SGCZ: variants seen among roughly 807,000 people sequenced by gnomAD.
The protein encoded by SGCZ is sarcoglycan zeta.
Under a neutral mutation model 41.3 loss-of-function variants are expected in SGCZ, and 40 were observed. The ratio of observed to expected loss-of-function variants is 0.97; its 90% CI spans 0.75 to 1.26. The LOEUF is 1.26. SGCZ is among the 50% of genes most tolerant of loss of function. The probability of loss-of-function intolerance (pLI) is 0.00; values close to 1 mark genes in which losing one functional copy is unlikely to be tolerated. For synonymous variants in SGCZ, 206 were observed against 137.5 expected (o/e 1.50, Z -3.49); for missense variants, 552 against 369.8 (o/e 1.49, Z -4.04).
chr8:14,208,828 T>G (rs1805702873), intron 4 of SGCZ, among the ~76,000 whole-genome samples: 1 of 152,222 alleles, frequency 6.6e-6, no homozygotes, highest in South Asian at 2.1e-4. Context: ...CATTATTACT[T>G]ATGCTACAGG....
chr8:14,141,153 C>A (rs1262378958), intron 5 of SGCZ, among the ~76,000 whole-genome samples: 1 of 152,154 alleles, frequency 6.6e-6, no homozygotes, highest in Non-Finnish European at 1.5e-5. Flanking sequence ...CTTCGTTACA[C>A]CTTGTACAAA....
intron 2 of SGCZ, among the ~76,000 whole-genome samples, chr8:14,507,172 T>C (rs961671187): frequency 2.0e-5 from 3 of 152,120 alleles, no homozygotes; most frequent in Non-Finnish European, 4.4e-5. Context: ...ACCCACCATA[T>C]CCAATCTGCA....
intron 2 of SGCZ, among the ~76,000 whole-genome samples, chr8:14,384,596 G>A (rs1188622567): frequency 6.6e-6 from 1 of 152,126 alleles, no homozygotes; most frequent in African/African-American, 2.4e-5. Context: ...GTCTCACTCT[G>A]TTGCCCAGGC....
At chr8:14,299,193 T>C (rs1207238010) in intron 3 of SGCZ, among the ~76,000 whole-genome samples, 1 of 152,006 alleles carries the variant, frequency 6.6e-6, no homozygotes, top group Non-Finnish European at 1.5e-5. Flanking sequence ...GATAGGCCTC[T>C]ACATAAAAGA....
rs1799273806 is a variant in SGCZ, at chr8:14,744,008, G to A, written c.40-189082C>T. Among the ~76,000 whole-genome samples, 3 of 152,130 alleles carry A rather than the reference G, an allele frequency of 2.0e-5. No homozygotes were observed. In the South Asian group the frequency reaches 6.2e-4, roughly 32 times the overall value. ...TTGCCTCTTGAATTCTCTCCTACAG[G>A]TTTTGCATGCCTGAAGAAGAGGCTG... On this transcript the variant is annotated intron_variant, in intron 1 of 7. Coordinates refer to ENST00000382080, the MANE Select transcript of SGCZ (RefSeq NM_139167.4).
chr8:14,956,203 C>A (rs1398632982), intron 1 of SGCZ, among the ~76,000 whole-genome samples: 1 of 151,902 alleles, frequency 6.6e-6, no homozygotes, highest in Non-Finnish European at 1.5e-5. Flanking sequence ...CCACACCTAG[C>A]TAATTTTTGT....
intron 4 of SGCZ, among the ~76,000 whole-genome samples, chr8:14,192,541 TATG>T (rs1252453255): frequency 1.4e-4 from 21 of 152,040 alleles, no homozygotes; most frequent in African/African-American, 5.1e-4. Context: ...ATACATTGCA[TATG>T]ATATTTGAGT....
At chr8:14,426,659 G>A (rs1799791125) in intron 2 of SGCZ, among the ~76,000 whole-genome samples, 1 of 152,102 alleles carries the variant, frequency 6.6e-6, no homozygotes, top group African/African-American at 2.4e-5. Flanking sequence ...GCCAGAAAAT[G>A]AATAATTAAT....
At chr8:14,267,383 A>G (rs879091170) in intron 3 of SGCZ, among the ~76,000 whole-genome samples, 1 of 152,090 alleles carries the variant, frequency 6.6e-6, no homozygotes, top group Non-Finnish European at 1.5e-5. Flanking sequence ...TATTTATCTA[A>G]TCAGCCTACT....
intron 1 of SGCZ, among the ~76,000 whole-genome samples, chr8:14,599,496 C>G (rs1421488297): frequency 1.3e-5 from 2 of 152,078 alleles, no homozygotes; most frequent in Non-Finnish European, 2.9e-5. Flanking sequence ...CTTTTAATCT[C>G]TTTATCTTTC....
intron 2 of SGCZ, among the ~76,000 whole-genome samples, chr8:14,408,596 C>G (rs1331509244): frequency 1.3e-5 from 2 of 152,068 alleles, no homozygotes; most frequent in East Asian, 3.9e-4. Context: ...CTATATAAAT[C>G]AGTTTATATC....
At chr8:15,063,345 T>C (rs1805008738) in intron 1 of SGCZ, among the ~76,000 whole-genome samples, 1 of 152,138 alleles carries the variant, frequency 6.6e-6, no homozygotes, top group Non-Finnish European at 1.5e-5. Context: ...TGTTCTTCTA[T>C]TGGGATGATT....
At chr8:14,554,012 G>A (rs927818301) in intron 2 of SGCZ, among the ~76,000 whole-genome samples, 33 of 152,152 alleles carry the variant, frequency 2.2e-4, no homozygotes, top group African/African-American at 7.2e-4. Flanking sequence ...GAGCTAAACT[G>A]GACTTTGCTG....
At chr8:14,764,504 G>A (rs73199287) in intron 1 of SGCZ, among the ~76,000 whole-genome samples, 2 of 151,720 alleles carry the variant, frequency 1.3e-5, no homozygotes, top group Admixed American at 1.3e-4. Context: ...CACCTACACA[G>A]TATTCTTGCC....
intron 2 of SGCZ, among the ~76,000 whole-genome samples, chr8:14,475,359 T>C (rs1231172883): frequency 6.6e-6 from 1 of 152,180 alleles, no homozygotes; most frequent in Admixed American, 6.5e-5. Context: ...ATTGTAAATA[T>C]AAATTTTGTA....
chr8:14,869,024 G>C (rs1408557275), intron 1 of SGCZ, among the ~76,000 whole-genome samples: 3 of 152,026 alleles, frequency 2.0e-5, no homozygotes, highest in Non-Finnish European at 2.9e-5. Flanking sequence ...AGAGGAGCTG[G>C]TACCATTCCT....
At chr8:14,249,998 C>T (rs1213738140) in intron 3 of SGCZ, among the ~76,000 whole-genome samples, 1 of 152,138 alleles carries the variant, frequency 6.6e-6, no homozygotes, top group Non-Finnish European at 1.5e-5. Context: ...CAACCCAGTG[C>T]TTACAAATCA....
chr8:14,750,841 G>C (rs989308698), intron 1 of SGCZ, among the ~76,000 whole-genome samples: 1 of 152,134 alleles, frequency 6.6e-6, no homozygotes, highest in African/African-American at 2.4e-5. Context: ...GCCTATTCAG[G>C]TTTGTGATTT....
At chr8:14,291,498 A>G (rs1800842290) in intron 3 of SGCZ, among the ~76,000 whole-genome samples, 1 of 151,990 alleles carries the variant, frequency 6.6e-6, no homozygotes, top group South Asian at 2.1e-4. Context: ...TGCTGGTACC[A>G]TACTCTTGAA....
Sources: allele counts gnomAD v4.1 joint callset (sites outside exome capture counted in the v4.1 genomes callset), GRCh38; gene constraint gnomAD v4.1.1; transcripts MANE v1.5; gene names NCBI Gene and HGNC (gene_info 2026-07-23, HGNC 2026-07-21).